The following SCARB2 variants were observed in gnomAD, a reference collection of about 807,000 sequenced individuals.
The protein encoded by SCARB2 is lysosome membrane protein 2.
In SCARB2, 29 loss-of-function variants were observed where a neutral mutation model predicts 58.6. The ratio of observed to expected loss-of-function variants is 0.49; its 90% CI spans 0.37 to 0.67. The LOEUF is 0.67. Among genes scored for constraint, SCARB2 ranks in the 30% least tolerant of loss-of-function variants. The pLI, the probability that SCARB2 is intolerant of heterozygous loss-of-function variation, is 0.00. For missense variants in SCARB2, 488 were observed against 578.5 expected, an observed-to-expected ratio of 0.84 and a Z score of 1.60; for synonymous variants, 195 against 210.1, an observed-to-expected ratio of 0.93 and a Z score of 0.62.
intron 1 of SCARB2, among the ~76,000 whole-genome samples, chr4:76,211,398 T>A (rs56289378): frequency 0.046 from 6,996 of 152,332 alleles, 527 homozygotes; most frequent in African/African-American, 0.16. Flanking sequence ...CTGGCAAGGA[T>A]AGGATTTGAA....
chr4:76,174,394 C>T, intron 6 of SCARB2, 81 bp from the exon 7 acceptor site: 2 of 1,327,678 alleles, frequency 1.5e-6, no homozygotes, highest in African/African-American at 2.9e-5. Context: ...AGCAACAGTT[C>T]TCAGGTACAA....
intron 2 of SCARB2, chr4:76,194,678 G>T (rs1732674362): frequency 6.6e-6 from 1 of 152,182 alleles, no homozygotes; most frequent in Non-Finnish European, 1.5e-5. Flanking sequence ...GAAAAAGAAA[G>T]ATCTTGTTGT....
At chr4:76,204,010 T>C (rs537839039) in intron 1 of SCARB2, among the ~76,000 whole-genome samples, 7 of 152,320 alleles carry the variant, frequency 4.6e-5, no homozygotes, top group East Asian at 3.8e-4. Context: ...TAAGCATCCA[T>C]GTTGCCATCT....
chr4:76,216,046 A>G (rs149266945), upstream of SCARB2, among the ~76,000 whole-genome samples: 45 of 152,292 alleles, frequency 3.0e-4, 1 homozygote, highest in African/African-American at 1.0e-3. Context: ...CCTGTGTTCA[A>G]ATAGAACCTG....
intron 1 of SCARB2, among the ~76,000 whole-genome samples, chr4:76,222,222 ATCT>A (rs758045020): frequency 6.7e-5 from 10 of 149,438 alleles, no homozygotes; most frequent in Non-Finnish European, 5.9e-5. Flanking sequence ...CATATTTCCT[ATCT>A]TCTTTTTTTT....
chr4:76,162,841 G>A, intron 11 of SCARB2: 1 of 377,550 alleles, frequency 2.6e-6, no homozygotes, highest in South Asian at 3.4e-5. Context: ...ACAGTTTCTA[G>A]GGTCGTATAG....
At chr4:76,168,268 G>A in intron 9 of SCARB2, 135 bp downstream of exon 9, 1 of 760,330 alleles carries the variant, frequency 1.3e-6, no homozygotes, top group South Asian at 1.4e-5. Flanking sequence ...TGAAAATGCT[G>A]ATCATGCCCC....
At chr4:76,165,383 C>T (rs1291603317) in intron 10 of SCARB2, 1 of 152,058 alleles carries the variant, frequency 6.6e-6, no homozygotes, top group African/African-American at 2.4e-5. Context: ...TATGTAATAT[C>T]AAGACCAGAA....
Position 76,213,707 on chromosome 4 carries a change from G to GGCGAGCGCGGCCCC in SCARB2, c.-178_-165dup. On this transcript the variant is annotated 5_prime_UTR_variant, in exon 1 of 12. Transcript: ENST00000264896. ...CGCGCAGCTCTGGGCTCCGCGGCCT[G>GGCGAGCGCGGCCCC]GCGAGCGCGGCCCCGGGTGCACCGG... is the stretch of plus-strand genomic sequence containing the variant. The GGCGAGCGCGGCCCC allele has an allele frequency of 1.8e-6, 1 of 544,526 alleles. No individual in the cohort carries two copies. Among genetic ancestry groups the GGCGAGCGCGGCCCC allele is most frequent in the Non-Finnish European group, 3.2e-6 (1 of 316,188 alleles). 33.7% of individuals were successfully genotyped at this position (544,526 alleles called of 1,614,324 possible).
intron 1 of SCARB2, among the ~76,000 whole-genome samples, chr4:76,209,931 C>T (rs1466876567): frequency 6.6e-6 from 1 of 152,204 alleles, no homozygotes; most frequent in Non-Finnish European, 1.5e-5. Context: ...AGTTCTGCAT[C>T]CCTATTACTG....
chr4:76,216,096 G>T (rs113171624), upstream of SCARB2, among the ~76,000 whole-genome samples: 8 of 152,226 alleles, frequency 5.3e-5, no homozygotes, highest in African/African-American at 1.9e-4. Context: ...AGCCTGATGG[G>T]TGGGTGGTCT....
At chr4:76,161,852 G>T in intron 11 of SCARB2, 101 bp from the exon 12 acceptor site, 3 of 1,097,310 alleles carry the variant, frequency 2.7e-6, no homozygotes, top group South Asian at 1.3e-5. Context: ...AAGGAGGAGA[G>T]ACCTATAGGA....
At chr4:76,188,212 G>A (rs1436684681) in intron 2 of SCARB2, among the ~76,000 whole-genome samples, 1 of 152,156 alleles carries the variant, frequency 6.6e-6, no homozygotes, top group Admixed American at 6.5e-5. Flanking sequence ...CAGAAGCCAT[G>A]GGATACCACA....
intron 1 of SCARB2, 88 bp from the exon 2 acceptor site, chr4:76,195,952 T>G: frequency 3.4e-6 from 3 of 881,540 alleles, no homozygotes; most frequent in Non-Finnish European, 5.4e-6. Context: ...CGCCCCCTAT[T>G]CTGACCTCCT....
At chr4:76,196,843 G>A (rs1732723346) in intron 1 of SCARB2, among the ~76,000 whole-genome samples, 1 of 152,160 alleles carries the variant, frequency 6.6e-6, no homozygotes, top group African/African-American at 2.4e-5. Flanking sequence ...GATGAATAAT[G>A]CCCCCCATAC....
At chr4:76,207,090 T>C (rs1453824387) in intron 1 of SCARB2, among the ~76,000 whole-genome samples, 1 of 152,210 alleles carries the variant, frequency 6.6e-6, no homozygotes, top group Non-Finnish European at 1.5e-5. Context: ...TCAGGACCCC[T>C]GGGGAGCCCG....
intron 2 of SCARB2, among the ~76,000 whole-genome samples, chr4:76,186,382 C>A (rs1400581910): frequency 6.6e-6 from 1 of 151,976 alleles, no homozygotes; most frequent in Non-Finnish European, 1.5e-5. Flanking sequence ...CAGATCCAGG[C>A]GAGGCTGGGG....
rs1242244881 is a variant in SCARB2, at chr4:76,161,639, G to A, written c.*74C>T. ...TCAACAGGCAACAAGCCTGCAAGGA[G>A]GTGGAGGGTTTCCCCACGTCATCGT... On this transcript the variant is annotated 3_prime_UTR_variant, in exon 12 of 12. Coordinates refer to ENST00000264896, the MANE Select transcript of SCARB2 (RefSeq NM_005506.4). 6.8e-6 allele frequency: 10 copies of A among 1,481,130 alleles called. No individual in the cohort carries two copies. The East Asian group carries it at 2.3e-4, about 33-fold the overall frequency. 91.7% of individuals were successfully genotyped at this position (1,481,130 alleles called of 1,614,324 possible).
chr4:76,213,918 G>C, upstream of SCARB2: 1 of 162,884 alleles, frequency 6.1e-6, no homozygotes, highest in Non-Finnish European at 1.3e-5. Flanking sequence ...GCGGGCGGGG[G>C]CGGAGGCCGC....
Sources: gnomAD v4.1 joint callset for allele counts (sites outside exome capture counted in the v4.1 genomes callset) on GRCh38, gnomAD v4.1.1 for gene constraint, MANE v1.5 for transcripts, NCBI Gene and HGNC (gene_info 2026-07-23, HGNC 2026-07-21) for gene names.